The following AAGAB variants were observed in gnomAD, a reference collection of about 807,000 sequenced individuals.
AAGAB encodes alpha- and gamma-adaptin-binding protein p34.
Under a neutral mutation model 44.1 loss-of-function variants are expected in AAGAB, and 38 were observed. The ratio of observed to expected loss-of-function variants is 0.86; its 90% CI spans 0.67 to 1.13. The LOEUF (loss-of-function observed/expected upper bound fraction) is 1.13. AAGAB is among the 50% of genes most tolerant of loss of function. The pLI, the probability that AAGAB is intolerant of heterozygous loss-of-function variation, is 0.00. For missense variants in AAGAB, 450 were observed against 373.8 expected, an observed-to-expected ratio of 1.20 and a Z score of -1.68; for synonymous variants, 131 against 131.8, an observed-to-expected ratio of 0.99 and a Z score of 0.04.
chr15:67,231,980 A>G (rs1964348086), intron 4 of AAGAB, 83 bp from the exon 5 acceptor site: 1 of 1,176,020 alleles, frequency 8.5e-7, no homozygotes, highest in South Asian at 1.2e-5. Flanking sequence ...GTGGCCAGGC[A>G]CGGTGGCTCA....
At chr15:67,222,242 G>GCGCGCACACACACACACA (rs1367738219) in intron 5 of AAGAB, among the ~76,000 whole-genome samples, 24 of 90,122 alleles carry the variant, frequency 2.7e-4, no homozygotes, top group Admixed American at 7.1e-4. Context: ...GCGCGCGCGC[G>GCGCGCACACACACACACA]CACACACACA....
chr15:67,251,965 A>T (rs1007019615), intron 1 of AAGAB, among the ~76,000 whole-genome samples: 2 of 152,246 alleles, frequency 1.3e-5, no homozygotes, highest in Non-Finnish European at 2.9e-5. Flanking sequence ...TTATTCAAGT[A>T]ATCTGCTCAC....
At chr15:67,209,608 T>A in intron 5 of AAGAB, 64 bp from the exon 6 acceptor site, 1 of 1,283,334 alleles carries the variant, frequency 7.8e-7, no homozygotes, top group Non-Finnish European at 1.1e-6. Flanking sequence ...CAAATGGCTA[T>A]GATGATGAAA....
chr15:67,255,168 C>T (rs1375322241), upstream of AAGAB: 1 of 593,548 alleles, frequency 1.7e-6, no homozygotes, highest in African/African-American at 1.9e-5. Context: ...GCAGGACTTT[C>T]TGCCTCTGGG....
chr15:67,219,969 A>G (rs1470228584), intron 5 of AAGAB, among the ~76,000 whole-genome samples: 1 of 152,226 alleles, frequency 6.6e-6, no homozygotes, highest in Non-Finnish European at 1.5e-5. Context: ...AGACATTAAC[A>G]GCACCTACTA....
chr15:67,217,499 G>A (rs1160718799), intron 5 of AAGAB, among the ~76,000 whole-genome samples: 1 of 152,160 alleles, frequency 6.6e-6, no homozygotes, highest in Non-Finnish European at 1.5e-5. Context: ...CAGGAGAGCA[G>A]CCCAAGTATC....
At chr15:67,216,310 C>T (rs1963944229) in intron 5 of AAGAB, among the ~76,000 whole-genome samples, 1 of 151,702 alleles carries the variant, frequency 6.6e-6, no homozygotes, top group Non-Finnish European at 1.5e-5. Flanking sequence ...GGCGTGGTGG[C>T]GTGTGCCTGT....
chr15:67,206,643 G>C (rs1963691489), intron 7 of AAGAB, among the ~76,000 whole-genome samples: 1 of 151,944 alleles, frequency 6.6e-6, no homozygotes, highest in Admixed American at 6.6e-5. Context: ...CTTACTCTAT[G>C]GGTTATAACC....
At chr15:67,212,260 C>T (rs911019568) in intron 5 of AAGAB, among the ~76,000 whole-genome samples, 2 of 152,150 alleles carry the variant, frequency 1.3e-5, no homozygotes, top group Non-Finnish European at 2.9e-5. Context: ...CTAGACTCAT[C>T]ACTGTATACT....
intron 1 of AAGAB, among the ~76,000 whole-genome samples, chr15:67,245,445 A>G (rs2140393805): frequency 6.6e-6 from 1 of 152,360 alleles, no homozygotes; most frequent in South Asian, 2.1e-4. Flanking sequence ...TATAATGACA[A>G]AAAGTACATT....
chr15:67,231,535 T>TA (rs1245791144), intron 5 of AAGAB, among the ~76,000 whole-genome samples: 1 of 152,202 alleles, frequency 6.6e-6, no homozygotes, highest in African/African-American at 2.4e-5. Flanking sequence ...AGCTCCTTAA[T>TA]AATAGGGTCT....
At position 67,203,931 on chromosome 15, in the gene AAGAB, C is replaced by CTTAGCTA. The variant is rs1963626178; in HGVS notation, c.820+112_820+113insTAGCTAA. ...CCAGGAGTAGCTAAGTTTCTCAAGA[C>CTTAGCTA]AGCTGAGACCAGAACAAGGAATCCA... On this transcript the variant is annotated intron_variant, in intron 8 of 9. Transcript: ENST00000261880. 17 of 698,206 alleles carry CTTAGCTA rather than the reference C, an allele frequency of 2.4e-5. No individual in the cohort carries two copies. In the Admixed American group the frequency reaches 5.6e-4, roughly 23 times the overall value. 43.3% of individuals were successfully genotyped at this position (698,206 alleles called of 1,614,324 possible). A position where few individuals can be genotyped will look rare whatever the true frequency, so the allele number is the denominator to read the frequency against.
At chr15:67,209,384 G>A in intron 6 of AAGAB, 78 bp downstream of exon 6, 1 of 1,173,182 alleles carries the variant, frequency 8.5e-7, no homozygotes, top group South Asian at 1.3e-5. Context: ...GGAAAACAAT[G>A]GTGAATGTGT....
upstream of AAGAB, chr15:67,254,815 C>T (rs967639353): frequency 6.8e-7 from 1 of 1,476,176 alleles, no homozygotes; most frequent in Non-Finnish European, 9.3e-7. Context: ...GCGGTGTTGC[C>T]ATGGGGACGA....
At position 67,216,239 on chromosome 15, in the gene AAGAB, C is replaced by T. The variant is rs1466543064; in HGVS notation, c.536-6695G>A. The stretch of plus-strand genomic sequence containing the variant: ...CAGGAGGATCACGAGGCCAAGAGCT[C>T]GAAACCAGCGTGGCCAACGTGGTAA... On this transcript the variant is annotated intron_variant, in intron 5 of 9. Coordinates refer to ENST00000261880, the MANE Select transcript of AAGAB (RefSeq NM_024666.5). 4.0e-5 allele frequency among the ~76,000 whole-genome samples: 6 copies of T among 151,828 alleles called. 1 individual carries two copies. The highest frequency in any genetic ancestry group is 6.9e-3 in the Middle Eastern group (2 of 290).
chr15:67,227,831 C>T (rs1964240117), intron 5 of AAGAB, among the ~76,000 whole-genome samples: 1 of 152,154 alleles, frequency 6.6e-6, no homozygotes, highest in African/African-American at 2.4e-5. Context: ...ATCAAAATGT[C>T]ATTCATTGTA....
chr15:67,229,481 A>G (rs1375505405), intron 5 of AAGAB, among the ~76,000 whole-genome samples: 1 of 151,660 alleles, frequency 6.6e-6, no homozygotes, highest in Non-Finnish European at 1.5e-5. Context: ...ACCCAAAAAA[A>G]CTCCTTGTTC....
At chr15:67,211,302 T>C (rs1299632067) in intron 5 of AAGAB, among the ~76,000 whole-genome samples, 3 of 152,174 alleles carry the variant, frequency 2.0e-5, no homozygotes, top group Non-Finnish European at 2.9e-5. Flanking sequence ...AGTGGCAGCA[T>C]GGTCAGAGGT....
intron 5 of AAGAB, among the ~76,000 whole-genome samples, chr15:67,213,559 T>G (rs1411563133): frequency 6.6e-6 from 1 of 152,162 alleles, no homozygotes; most frequent in African/African-American, 2.4e-5. Flanking sequence ...TTTTAAAAAG[T>G]ATTTTTTTCC....
Sources: gnomAD v4.1 joint callset for allele counts (sites outside exome capture counted in the v4.1 genomes callset) on GRCh38, gnomAD v4.1.1 for gene constraint, MANE v1.5 for transcripts, NCBI Gene and HGNC (gene_info 2026-07-23, HGNC 2026-07-21) for gene names.